Variants in EFCAB6 observed in about 807,000 individuals in gnomAD.
The protein encoded by EFCAB6 is EF-hand calcium binding domain 6, also known as EF-hand calcium-binding domain-containing protein 6.
In EFCAB6, 156 loss-of-function variants were observed where a neutral mutation model predicts 169.8. That is an observed-to-expected ratio of 0.92 (90% CI 0.81 to 1.05). The LOEUF (loss-of-function observed/expected upper bound fraction) is 1.05, where lower values mean the gene tolerates loss of function less well. Ranked by LOEUF, EFCAB6 falls within the 50% of genes least tolerant of loss-of-function variation. The pLI is 0.00. For missense variants in EFCAB6, 1,800 were observed against 1,829.1 expected (o/e 0.98, Z 0.29); for synonymous variants, 698 against 676.4 (o/e 1.03, Z -0.50).
intron 10 of EFCAB6, among the ~76,000 whole-genome samples, chr22:43,689,189 T>A (rs1035732364): frequency 2.0e-5 from 3 of 150,422 alleles, no homozygotes; most frequent in Non-Finnish European, 3.0e-5. Flanking sequence ...GGCTAGCCAT[T>A]GAGAACAAAA....
Position 43,632,255 on chromosome 22 carries a change from G to A in EFCAB6, c.2099-17C>T. ...TTGGAGGATCTGGAACAATTACAAA[G>A]ATCGGGGTTTCCATTAGTGCCCATC... On this transcript the variant is annotated splice_polypyrimidine_tract_variant and intron_variant, in intron 18 of 31. Transcript: ENST00000262726. 1 of 1,587,124 alleles carries A rather than the reference G, an allele frequency of 6.3e-7. No homozygotes were observed. Among genetic ancestry groups the A allele is most frequent in the East Asian group, 2.3e-5 (1 of 43,498 alleles).
intron 12 of EFCAB6, among the ~76,000 whole-genome samples, chr22:43,682,551 C>T (rs183119224): frequency 8.5e-4 from 129 of 152,294 alleles, no homozygotes; most frequent in Non-Finnish European, 1.5e-3. Context: ...TTTTCCCACG[C>T]GGCTCAGCCA....
chr22:43,610,353 AG>A (rs1040791603), intron 21 of EFCAB6, among the ~76,000 whole-genome samples: 9 of 152,240 alleles, frequency 5.9e-5, no homozygotes, highest in Admixed American at 2.0e-4. Context: ...ACAAACCAGT[AG>A]GAAGACTTAA....
intron 13 of EFCAB6, among the ~76,000 whole-genome samples, chr22:43,676,940 T>C (rs2057787263): frequency 6.6e-6 from 1 of 152,176 alleles, no homozygotes; most frequent in African/African-American, 2.4e-5. Flanking sequence ...TTCAGATCCA[T>C]TCAGTAGAAA....
rs900749870 is a variant in EFCAB6 at position 43,599,362 on chromosome 22, T to C, written c.2876+707A>G. On this transcript the variant is annotated intron_variant, in intron 23 of 31. Coordinates refer to ENST00000262726, the MANE Select transcript of EFCAB6 (RefSeq NM_022785.4). The stretch of plus-strand genomic sequence containing the variant: ...TCACCTCTACTAAAAATACAAAAAT[T>C]AGCTGGTCGTGGTGGCGTGTGCCTG... 7.9e-5 allele frequency among the ~76,000 whole-genome samples: 12 copies of C among 151,736 alleles called. 1 individual carries two copies. Among genetic ancestry groups the C allele is most frequent in the Admixed American group, 7.2e-4 (11 of 15,232 alleles).
chr22:43,716,816 G>C (rs776313978), intron 9 of EFCAB6, 32 bp downstream of exon 9: 17 of 1,588,120 alleles, frequency 1.1e-5, no homozygotes, highest in Non-Finnish European at 1.5e-5. Context: ...TGTTTACTCT[G>C]TAGGTAATTG....
chr22:43,801,843 G>C (rs894988563), intron 2 of EFCAB6, among the ~76,000 whole-genome samples: 2 of 152,224 alleles, frequency 1.3e-5, no homozygotes, highest in East Asian at 3.9e-4. Context: ...GCAACAAAAT[G>C]GCAACAGTAA....
At chr22:43,736,063 T>C in intron 6 of EFCAB6, 70 bp from the exon 7 acceptor site, 2 of 1,423,110 alleles carry the variant, frequency 1.4e-6, no homozygotes, top group South Asian at 3.1e-5. Flanking sequence ...AATAAAAATG[T>C]GAAAGTTTTT....
At chr22:43,603,899 G>A (rs145329675) in intron 22 of EFCAB6, among the ~76,000 whole-genome samples, 2 of 152,202 alleles carry the variant, frequency 1.3e-5, no homozygotes, top group Non-Finnish European at 2.9e-5. Flanking sequence ...TGTTGGAGAT[G>A]GGGCCTAGTG....
At chr22:43,790,769 A>C (rs2062254792) in intron 2 of EFCAB6, among the ~76,000 whole-genome samples, 1 of 152,220 alleles carries the variant, frequency 6.6e-6, no homozygotes, top group South Asian at 2.1e-4. Context: ...GAGGAAATGA[A>C]GACAGAAGTC....
At chr22:43,645,044 G>A (rs551290408) in intron 17 of EFCAB6, among the ~76,000 whole-genome samples, 1 of 152,270 alleles carries the variant, frequency 6.6e-6, no homozygotes, top group African/African-American at 2.4e-5. Context: ...GGAAGTATTA[G>A]ATTGAATGGA....
Position 43,580,579 on chromosome 22 carries a change from G to C in EFCAB6, c.3113C>G (p.Ala1038Gly), listed in dbSNP as rs143627343. ...RAVENSKSTG[A>G]QPKEKEESMP... ...GCTCTCTTCTTTTTCCTTGGGCTGA[G>C]CTCCTGTTGACTTGCTGTTCTCCAC... The change falls in exon 25 of 32, where the codon GCT becomes GGT. Residue 1038 changes from alanine to glycine, a missense_variant. Coordinates refer to ENST00000262726, the MANE Select transcript of EFCAB6 (RefSeq NM_022785.4). 2 of 1,614,168 alleles carry C rather than the reference G, an allele frequency of 1.2e-6. No homozygotes were observed. Among genetic ancestry groups the C allele is most frequent in the East Asian group, 4.5e-5 (2 of 44,878 alleles).
intron 14 of EFCAB6, 29 bp downstream of exon 14, chr22:43,672,217 T>C: frequency 6.2e-7 from 1 of 1,614,094 alleles, no homozygotes. Context: ...TAGGAAGGCA[T>C]CCACACAAAG....
At chr22:43,677,639 C>T (rs1178687501) in intron 13 of EFCAB6, among the ~76,000 whole-genome samples, 2 of 151,778 alleles carry the variant, frequency 1.3e-5, no homozygotes, top group Non-Finnish European at 2.9e-5. Flanking sequence ...GAGAGAGACT[C>T]GACGGAGAGA....
rs551617011 is a variant in EFCAB6, at chr22:43,549,161, A to C, written c.3648+5708T>G. Among the ~76,000 whole-genome samples the C allele has an allele frequency of 4.9e-3, 742 of 152,292 alleles. 4 individuals are homozygous for C. The highest frequency in any genetic ancestry group is 0.014 in the Middle Eastern group (4 of 294). On this transcript the variant is annotated intron_variant, in intron 27 of 31. Transcript: ENST00000262726. ...TATATACTTTTAAATGCTCATTAAG[A>C]AAAGAAGAACAGCTGAAATCAGAAA...
rs2054672446 is a variant in EFCAB6 at position 43,628,365 on chromosome 22, C to G, written c.2233-1686G>C. On this transcript the variant is annotated intron_variant, in intron 19 of 31. Transcript: ENST00000262726. The surrounding 1 kb of genome is among the most constrained non-coding windows in gnomAD (Gnocchi z 4.8). ...AGTGCATTAGCACTGGACCCCCTCT[C>G]CCAGGCACACCACCTCGGCCCCCAC... Among the ~76,000 whole-genome samples, 1 of 152,174 alleles carries G rather than the reference C, an allele frequency of 6.6e-6. No individual in the cohort carries two copies. The highest frequency in any genetic ancestry group is 2.4e-5 in the African/African-American group (1 of 41,436).
At chr22:43,702,310 C>T (rs981014005) in intron 10 of EFCAB6, among the ~76,000 whole-genome samples, 13 of 152,144 alleles carry the variant, frequency 8.5e-5, no homozygotes, top group Non-Finnish European at 2.9e-5. Context: ...TTGTCGGTCG[C>T]AGGCTCCACT....
At chr22:43,738,150 A>G (rs1364178609) in intron 6 of EFCAB6, among the ~76,000 whole-genome samples, 2 of 151,428 alleles carry the variant, frequency 1.3e-5, no homozygotes, top group Non-Finnish European at 2.9e-5. Context: ...ATATACTCAC[A>G]CTCACACCAT....
At chr22:43,599,931 G>A (rs1011527972) in intron 23 of EFCAB6, 138 bp downstream of exon 23, 15 of 969,524 alleles carry the variant, frequency 1.5e-5, no homozygotes, top group African/African-American at 4.9e-5. Flanking sequence ...TTCTAGAATC[G>A]ACAACTGTGA....
Sources: allele counts gnomAD v4.1 joint callset (sites outside exome capture counted in the v4.1 genomes callset), GRCh38; gene constraint gnomAD v4.1.1; non-coding constraint Gnocchi (gnomAD v3.1); transcripts MANE v1.5; gene names NCBI Gene and HGNC (gene_info 2026-07-23, HGNC 2026-07-21).